The following DMTN variants were observed in gnomAD, a reference collection of about 807,000 sequenced individuals.
DMTN encodes dematin.
Under a neutral mutation model 59.4 loss-of-function variants are expected in DMTN, and 27 were observed. The observed-to-expected ratio is 0.45, with a 90% CI of 0.33 to 0.63. The LOEUF (loss-of-function observed/expected upper bound fraction) is 0.63. Among genes scored for constraint, DMTN ranks in the 20% least tolerant of loss-of-function variants. DMTN has a pLI of 0.02. For synonymous variants in DMTN, 221 were observed against 203.7 expected, an observed-to-expected ratio of 1.08 and a Z score of -0.72; for missense variants, 451 against 528.9, an observed-to-expected ratio of 0.85 and a Z score of 1.45.
intron 1 of DMTN, among the ~76,000 whole-genome samples, chr8:22,061,987 C>T (rs879207737): frequency 1.3e-5 from 2 of 151,954 alleles, no homozygotes; most frequent in African/African-American, 4.8e-5. Context: ...AAACTCCTGG[C>T]CTCAAGTGAT....
At chr8:22,053,946 G>C (rs980296911), upstream of DMTN, among the ~76,000 whole-genome samples, 1 of 152,196 alleles carries the variant, frequency 6.6e-6, no homozygotes, top group Non-Finnish European at 1.5e-5. Flanking sequence ...GGGGAGTTCA[G>C]TTCAGCTGGC....
intron 1 of DMTN, among the ~76,000 whole-genome samples, chr8:22,065,324 T>C (rs1318228505): frequency 6.6e-6 from 1 of 152,226 alleles, no homozygotes; most frequent in Non-Finnish European, 1.5e-5. Flanking sequence ...TTCACCCTCC[T>C]GCGATTAGCA....
At chr8:22,071,691 T>G (rs1815635719) in intron 8 of DMTN, among the ~76,000 whole-genome samples, 1 of 152,132 alleles carries the variant, frequency 6.6e-6, no homozygotes, top group Non-Finnish European at 1.5e-5. Flanking sequence ...GCTATTCTCC[T>G]GCCTCAGCCT....
intron 10 of DMTN, among the ~76,000 whole-genome samples, chr8:22,079,269 A>ATATATATATATATATAT (rs1554562269): frequency 5.2e-4 from 11 of 21,198 alleles, no homozygotes; most frequent in African/African-American, 1.5e-3. Flanking sequence ...TAAATAAATA[A>ATATATATATATATATAT]ATAAATAAAT....
intron 8 of DMTN, among the ~76,000 whole-genome samples, 183 bp from the exon 9 acceptor site, chr8:22,072,143 G>T (rs1816037571): frequency 6.6e-6 from 1 of 152,106 alleles, no homozygotes; most frequent in Non-Finnish European, 1.5e-5. Flanking sequence ...TCCCACCTCA[G>T]CCTCCCAATG....
chr8:22,060,451 G>GCACA lies in DMTN; in HGVS notation c.-172+3322_-172+3325dup, dbSNP rs1563403747. Among the ~76,000 whole-genome samples the GCACA allele has an allele frequency of 6.7e-6, 1 of 150,364 alleles. No homozygotes were observed. The highest frequency in any genetic ancestry group is 1.5e-5 in the Non-Finnish European group (1 of 67,728). ...CTCTCTCCCCCTCACACATGCGCACGCACACACACATATACACACACTCTT... is the reference window on the plus strand; with the variant it reads ...CTCTCTCCCCCTCACACATGCGCACGCACACACACACACATATACACACACTCTT... On this transcript the variant is annotated intron_variant, in intron 1 of 15. Transcript: ENST00000358242. This position sits in a 1 kb window ranked among gnomAD's most constrained non-coding sequence, Gnocchi z 5.0.
chr8:22,077,709 T>G (rs1022745814), intron 10 of DMTN, among the ~76,000 whole-genome samples: 1 of 152,168 alleles, frequency 6.6e-6, no homozygotes, highest in Non-Finnish European at 1.5e-5. Context: ...CCTGAACTTG[T>G]GGGTGATTAA....
intron 3 of DMTN, 77 bp from the exon 4 acceptor site, chr8:22,067,447 TGAC>T: frequency 6.4e-7 from 1 of 1,560,516 alleles, no homozygotes. Flanking sequence ...TCTTGGTAAT[TGAC>T]GTAAGTCTAG....
At chr8:22,056,341 C>T (rs1802545200), upstream of DMTN, among the ~76,000 whole-genome samples, 1 of 152,214 alleles carries the variant, frequency 6.6e-6, no homozygotes, top group Non-Finnish European at 1.5e-5. Context: ...GTAACCAATT[C>T]TGGCCTGTGC....
At position 22,060,871 on chromosome 8, in the gene DMTN, G is replaced by C. The variant is rs77699474; in HGVS notation, c.-172+3735G>C. Among the ~76,000 whole-genome samples the C allele has an allele frequency of 6.6e-6, 1 of 152,232 alleles. No homozygotes were observed. Among genetic ancestry groups the C allele is most frequent in the Non-Finnish European group, 1.5e-5 (1 of 68,044 alleles). On this transcript the variant is annotated intron_variant, in intron 1 of 15. Transcript: ENST00000358242. The surrounding 1 kb of genome is among the most constrained non-coding windows in gnomAD (Gnocchi z 5.0). ...CTGAGCTTAGATTCCACACAATACTGTGTCCTTGACCAACTACTTAACTTG... is the reference window on the plus strand; with the variant it reads ...CTGAGCTTAGATTCCACACAATACTCTGTCCTTGACCAACTACTTAACTTG...
At chr8:22,056,578 G>C (rs745705561), upstream of DMTN, among the ~76,000 whole-genome samples, 4 of 152,190 alleles carry the variant, frequency 2.6e-5, no homozygotes, top group Non-Finnish European at 4.4e-5. Flanking sequence ...GTGTGTGTGC[G>C]TGTGAGTGCT....
intron 7 of DMTN, 36 bp downstream of exon 7, chr8:22,069,973 G>A (rs201788424): frequency 1.5e-5 from 24 of 1,612,134 alleles, no homozygotes; most frequent in East Asian, 6.7e-5. Context: ...GCCTGCTTCC[G>A]GCTGCATGCT....
chr8:22,073,802 C>T lies in DMTN; in HGVS notation c.802C>T (p.Arg268Cys), dbSNP rs771080969. The change falls in exon 10 of 16, where the codon CGC becomes TGC. Residue 268 changes from arginine (R) to cysteine (C), a missense_variant. Coordinates refer to ENST00000358242, the MANE Select transcript of DMTN (RefSeq NM_001387751.1). Reference sequence around the variant, plus strand: ...GTCATTGCCGATCCGAAGGAAAACCCGCTCTCTGCCTGACCGGACACCCTT... The same window carrying T: ...GTCATTGCCGATCCGAAGGAAAACCTGCTCTCTGCCTGACCGGACACCCTT... ...EKSLPIRRKT[R>C]SLPDRTPFHT... 5 of 1,613,954 alleles carry T rather than the reference C, an allele frequency of 3.1e-6. No individual in the cohort carries two copies. The highest frequency in any genetic ancestry group is 3.3e-5 in the Admixed American group (2 of 59,992).
intron 10 of DMTN, among the ~76,000 whole-genome samples, chr8:22,075,609 C>A (rs1199387050): frequency 6.6e-6 from 1 of 150,606 alleles, no homozygotes; most frequent in Non-Finnish European, 1.5e-5. Flanking sequence ...ACCACTGCCT[C>A]CCAGGTTCAA....
intron 5 of DMTN, 108 bp downstream of exon 5, chr8:22,069,168 A>G: frequency 3.0e-6 from 4 of 1,313,572 alleles, no homozygotes; most frequent in Non-Finnish European, 4.2e-6. Flanking sequence ...GGAGTGCCCG[A>G]ATCAGCGGCC....
upstream of DMTN, among the ~76,000 whole-genome samples, chr8:22,055,716 C>G (rs1455437043): frequency 6.6e-6 from 1 of 152,096 alleles, no homozygotes; most frequent in South Asian, 2.1e-4. Context: ...CCACCTGCCT[C>G]CTTCCTTCCT....
In DMTN at chr8:22,071,252, A is replaced by G. The variant is rs1815230579; in HGVS notation, c.604+918A>G. Reference sequence around the variant, plus strand: ...GCTGGGATTACAGGCATGCACCACCACACCTGGCTAATTTTTTGTATTTTT... The same window carrying G: ...GCTGGGATTACAGGCATGCACCACCGCACCTGGCTAATTTTTTGTATTTTT... On this transcript the variant is annotated intron_variant, in intron 8 of 15. Coordinates refer to ENST00000358242, the MANE Select transcript of DMTN (RefSeq NM_001387751.1). 2.6e-5 allele frequency among the ~76,000 whole-genome samples: 4 copies of G among 151,998 alleles called. No individual in the cohort carries two copies. In the South Asian group the frequency reaches 8.3e-4, roughly 32 times the overall value.
Position 22,067,098 on chromosome 8 carries a change from C to A in DMTN, c.32C>A (p.Ser11Tyr), listed in dbSNP as rs1189640469. The A allele has an allele frequency of 6.2e-7, 1 of 1,602,434 alleles. No homozygotes were observed. The highest frequency in any genetic ancestry group is 1.7e-5 in the Admixed American group (1 of 58,836). The change falls in exon 3 of 16, where the codon TCC (serine) becomes TAC (tyrosine). Residue 11 changes from serine (S) to tyrosine (Y), a missense_variant. Transcript: ENST00000358242. ...CGCTCTCCCCAGCAACCACTTACCT[C>A]CCCCGGGAGCGTGAGCCCCTCCCGA... is the stretch of plus-strand genomic sequence containing the variant. MERLQKQPLT[S>Y]PGSVSPSRDS... is the part of the protein sequence containing the mutation.
intron 6 of DMTN, 116 bp from the exon 7 acceptor site, chr8:22,069,765 T>C: frequency 1.6e-6 from 2 of 1,253,682 alleles, no homozygotes; most frequent in Non-Finnish European, 2.3e-6. Context: ...CTGTCTTGGC[T>C]CTTGACAGGG....
Sources: allele counts gnomAD v4.1 joint callset (sites outside exome capture counted in the v4.1 genomes callset), GRCh38; gene constraint gnomAD v4.1.1; non-coding constraint Gnocchi (gnomAD v3.1); transcripts MANE v1.5; gene names NCBI Gene and HGNC (gene_info 2026-07-23, HGNC 2026-07-21).